CNTNAP2: variants seen among roughly 807,000 people sequenced by gnomAD.
The protein encoded by CNTNAP2 is contactin associated protein 2, also known as contactin-associated protein-like 2.
A neutral mutation model predicts 155.2 loss-of-function variants in CNTNAP2; 98 were observed. That is an observed-to-expected ratio of 0.63 (90% CI 0.54 to 0.75). The LOEUF is 0.75. CNTNAP2 is among the 30% of genes least tolerant of loss of function. CNTNAP2 has a pLI of 0.00. For missense variants in CNTNAP2, 1,727 were observed against 1,688.1 expected (o/e 1.02, Z -0.40); for synonymous variants, 651 against 631.2 (o/e 1.03, Z -0.47).
intron 1 of CNTNAP2, among the ~76,000 whole-genome samples, chr7:146,655,803 T>A (rs1370181271): frequency 6.6e-6 from 1 of 152,228 alleles, no homozygotes; most frequent in Non-Finnish European, 1.5e-5. Flanking sequence ...AATGTATGGC[T>A]AATTGTAAAG....
chr7:147,188,309 A>G (rs1802609697), intron 8 of CNTNAP2, among the ~76,000 whole-genome samples: 1 of 152,150 alleles, frequency 6.6e-6, no homozygotes, highest in Non-Finnish European at 1.5e-5. Flanking sequence ...TGTGTAGGAG[A>G]GTCCAGAAAA....
chr7:147,825,713 AAGAGAAGAAATGAAAT>A (rs1462884049), intron 13 of CNTNAP2, among the ~76,000 whole-genome samples: 4 of 152,314 alleles, frequency 2.6e-5, no homozygotes, highest in Admixed American at 6.5e-5. Flanking sequence ...TGTGCAAATC[AAGAGAAGAAATGAAAT>A]AGAGAAGAAA....
At chr7:146,925,479 ATTG>A (rs749073043) in intron 3 of CNTNAP2, among the ~76,000 whole-genome samples, 50 of 152,116 alleles carry the variant, frequency 3.3e-4, no homozygotes, top group Non-Finnish European at 3.4e-4. Context: ...CAAATGATCT[ATTG>A]TTATGAATTT....
rs184153913 is a variant in CNTNAP2, at chr7:146,992,278, T to C, written c.403-51629T>C. Among the ~76,000 whole-genome samples, 5 of 152,292 alleles carry C rather than the reference T, an allele frequency of 3.3e-5. No homozygotes were observed. The East Asian group carries it at 9.6e-4, about 29-fold the overall frequency. ...TCCTTCCCATGAGCGTTAGTAAAGA[T>C]AGGAAAGATGATCGTTTTATGCTAC... On this transcript the variant is annotated intron_variant, in intron 3 of 23. Transcript: ENST00000361727.
chr7:146,396,719 G>A (rs34179689), intron 1 of CNTNAP2, among the ~76,000 whole-genome samples: 52,663 of 143,380 alleles, frequency 0.37, 9,701 homozygotes, highest in African/African-American at 0.49. Context: ...ATATATATAT[G>A]TGTATATATA....
At chr7:147,687,203 A>G (rs1286686373) in intron 13 of CNTNAP2, among the ~76,000 whole-genome samples, 1 of 152,166 alleles carries the variant, frequency 6.6e-6, no homozygotes, top group East Asian at 1.9e-4. Context: ...GAATGAATTC[A>G]TAGAAAAATA....
intron 1 of CNTNAP2, among the ~76,000 whole-genome samples, chr7:146,338,471 T>C (rs941650181): frequency 1.4e-4 from 22 of 152,280 alleles, no homozygotes; most frequent in African/African-American, 4.8e-4. Context: ...AGACCATCAA[T>C]AGAGGATTAC....
chr7:147,182,102 G>A (rs1355901709), intron 8 of CNTNAP2, among the ~76,000 whole-genome samples: 1 of 144,234 alleles, frequency 6.9e-6, no homozygotes, highest in African/African-American at 2.6e-5. Context: ...CCCCAGCCTG[G>A]GCAAGAGAGT....
intron 13 of CNTNAP2, among the ~76,000 whole-genome samples, chr7:147,670,342 A>G (rs1795767184): frequency 6.6e-6 from 1 of 152,146 alleles, no homozygotes; most frequent in Admixed American, 6.5e-5. Context: ...TCTGATAGGG[A>G]CAGGAGGCAG....
chr7:147,625,524 A>G (rs1389099779), intron 12 of CNTNAP2, among the ~76,000 whole-genome samples: 1 of 152,238 alleles, frequency 6.6e-6, no homozygotes, highest in Non-Finnish European at 1.5e-5. Flanking sequence ...AATAGAGTTT[A>G]TATATTATTG....
At chr7:148,191,237 C>A (rs944229976) in intron 18 of CNTNAP2, among the ~76,000 whole-genome samples, 1 of 151,822 alleles carries the variant, frequency 6.6e-6, no homozygotes, top group Non-Finnish European at 1.5e-5. Context: ...CAAGTCTGGT[C>A]CCCTTTTGTG....
chr7:147,641,961 CACA>C (rs765732177), intron 13 of CNTNAP2, among the ~76,000 whole-genome samples: 38 of 152,108 alleles, frequency 2.5e-4, no homozygotes, highest in Non-Finnish European at 5.0e-4. Context: ...TGAGAACCAG[CACA>C]ACTCTTTTTT....
At chr7:148,363,437 TA>T (rs1052993793) in intron 21 of CNTNAP2, among the ~76,000 whole-genome samples, 1 of 152,346 alleles carries the variant, frequency 6.6e-6, no homozygotes, top group African/African-American at 2.4e-5. Flanking sequence ...ACAGTAATAT[TA>T]TTTTTTGACT....
rs71165029 is a variant in CNTNAP2, at chr7:146,708,588, A to ATTTTTTTTTTTTTTTTT, written c.98-65673_98-65657dup. Among the ~76,000 whole-genome samples the ATTTTTTTTTTTTTTTTT allele has an allele frequency of 2.0e-4, 13 of 63,970 alleles. 1 individual carries two copies. The highest frequency in any genetic ancestry group is 3.9e-4 in the African/African-American group (5 of 12,798). 42.0% of individuals were successfully genotyped at this position (63,970 alleles called of 152,430 possible). ...CTGTTTAAGAAAAAAAAAAAAAGTGATTTTTTTTTTTTTTTTTTTTTTTTT... is the reference window on the plus strand; with the variant it reads ...CTGTTTAAGAAAAAAAAAAAAAGTGATTTTTTTTTTTTTTTTTTTTTTTTTTTTTTTTTTTTTTTTTT... On this transcript the variant is annotated intron_variant, in intron 1 of 23. Coordinates refer to ENST00000361727, the MANE Select transcript of CNTNAP2 (RefSeq NM_014141.6).
intron 1 of CNTNAP2, among the ~76,000 whole-genome samples, chr7:146,704,886 G>A (rs776861549): frequency 3.9e-5 from 6 of 152,102 alleles, no homozygotes. Flanking sequence ...TCTAAAAATG[G>A]TGGTTAGAGG....
At chr7:147,759,165 A>G (rs576991753) in intron 13 of CNTNAP2, among the ~76,000 whole-genome samples, 7 of 152,266 alleles carry the variant, frequency 4.6e-5, no homozygotes, top group East Asian at 1.9e-4. Context: ...AAACCTTTCT[A>G]TCTGATTAGA....
At chr7:146,849,655 T>C (rs980471752) in intron 3 of CNTNAP2, among the ~76,000 whole-genome samples, 22 of 152,196 alleles carry the variant, frequency 1.4e-4, no homozygotes, top group Non-Finnish European at 5.9e-5. Context: ...GCGATTTTTG[T>C]GAGAAATAAA....
chr7:147,271,859 GCTT>G (rs1228491448), intron 8 of CNTNAP2, among the ~76,000 whole-genome samples: 2 of 152,076 alleles, frequency 1.3e-5, no homozygotes, highest in African/African-American at 2.4e-5. Context: ...ATATCACTCT[GCTT>G]CTTCAAATCT....
chr7:146,550,140 T>C (rs908867214), intron 1 of CNTNAP2, among the ~76,000 whole-genome samples: 5 of 152,032 alleles, frequency 3.3e-5, no homozygotes, highest in Non-Finnish European at 7.4e-5. Context: ...GACTAGTAGA[T>C]TTGATAATTG....
Sources: gnomAD v4.1 joint callset for allele counts (sites outside exome capture counted in the v4.1 genomes callset) on GRCh38, gnomAD v4.1.1 for gene constraint, MANE v1.5 for transcripts, NCBI Gene and HGNC (gene_info 2026-07-23, HGNC 2026-07-21) for gene names.